The following LRP1B variants were observed in gnomAD, a reference collection of about 807,000 sequenced individuals.
LRP1B encodes low-density lipoprotein receptor-related protein 1B.
Under a neutral mutation model 556.6 loss-of-function variants are expected in LRP1B, and 217 were observed. The observed-to-expected ratio is 0.39, with a 90% CI of 0.35 to 0.44. The LOEUF (loss-of-function observed/expected upper bound fraction) is 0.44, where lower values mean the gene tolerates loss of function less well. Ranked by LOEUF, LRP1B falls within the 20% of genes least tolerant of loss-of-function variation. The probability of loss-of-function intolerance (pLI) is 1.00; values close to 1 mark genes in which losing one functional copy is unlikely to be tolerated. For synonymous variants in LRP1B, 2,047 were observed against 1,865.8 expected (o/e 1.10, Z -2.50); for missense variants, 5,053 against 5,620.8 (o/e 0.90, Z 3.23).
chr2:141,218,868 C>A (rs1160092186), intron 6 of LRP1B, among the ~76,000 whole-genome samples: 1 of 152,088 alleles, frequency 6.6e-6, no homozygotes, highest in Admixed American at 6.6e-5. Context: ...GTAAGTGAAT[C>A]CTGCTCTATC....
intron 20 of LRP1B, among the ~76,000 whole-genome samples, chr2:140,937,142 C>G (rs1013281215): frequency 1.1e-4 from 17 of 151,964 alleles, no homozygotes; most frequent in African/African-American, 3.6e-4. Context: ...AACATTTCAT[C>G]ACAAAATGCC....
At chr2:141,972,603 G>T (rs1239038873) in intron 1 of LRP1B, among the ~76,000 whole-genome samples, 6 of 148,530 alleles carry the variant, frequency 4.0e-5, no homozygotes, top group African/African-American at 1.5e-4. Context: ...AAAAAAAAGT[G>T]CCTACAATTA....
chr2:141,182,424 A>G (rs1409498493), intron 7 of LRP1B, among the ~76,000 whole-genome samples: 3 of 152,014 alleles, frequency 2.0e-5, no homozygotes, highest in African/African-American at 7.2e-5. Context: ...TTTCCATCCT[A>G]CAGGTGAATG....
chr2:140,399,178 C>CACACACACACACACACACACACACACA, intron 66 of LRP1B, among the ~76,000 whole-genome samples: 1 of 151,856 alleles, frequency 6.6e-6, no homozygotes, highest in African/African-American at 2.4e-5. Context: ...CACACACACA[C>CACACACACACACACACACACACACACA]ACACACACAC....
In LRP1B at chr2:141,614,080, C is replaced by CAGAAAAAA. The variant is rs1553543025; in HGVS notation, c.206-133548_206-133547insTTTTTTCT. Among the ~76,000 whole-genome samples, 87 of 47,358 alleles carry CAGAAAAAA rather than the reference C, an allele frequency of 1.8e-3. 1 individual carries two copies. The highest frequency in any genetic ancestry group is 0.01 in the South Asian group (9 of 866). 31.1% of individuals were successfully genotyped at this position (47,358 alleles called of 152,430 possible). A position where few individuals can be genotyped will look rare whatever the true frequency, so the allele number is the denominator to read the frequency against. On this transcript the variant is annotated intron_variant, in intron 2 of 90. Coordinates refer to ENST00000389484, the MANE Select transcript of LRP1B (RefSeq NM_018557.3). ...GGGCGATAAGAGCAAAACTCAGCCT[C>CAGAAAAAA]AAAAAAAAAAAAAAAAAAAAAGAAA...
chr2:141,898,071 G>A (rs186452200), intron 1 of LRP1B, among the ~76,000 whole-genome samples: 285 of 152,224 alleles, frequency 1.9e-3, no homozygotes, highest in African/African-American at 6.2e-3. Context: ...GGCATTTGGG[G>A]TTAAGTTTTA....
At chr2:141,317,826 C>T (rs986129869) in intron 3 of LRP1B, among the ~76,000 whole-genome samples, 1 of 151,958 alleles carries the variant, frequency 6.6e-6, no homozygotes, top group Non-Finnish European at 1.5e-5. Context: ...AAAAATAACC[C>T]AGCACAGAGC....
intron 7 of LRP1B, among the ~76,000 whole-genome samples, chr2:141,184,643 C>G (rs966256001): frequency 2.7e-5 from 4 of 149,552 alleles, no homozygotes; most frequent in Non-Finnish European, 5.9e-5. Flanking sequence ...TTCAGATGTT[C>G]ATTTCTAATA....
At chr2:142,024,817 T>C (rs1703453165) in intron 1 of LRP1B, among the ~76,000 whole-genome samples, 3 of 152,090 alleles carry the variant, frequency 2.0e-5, no homozygotes, top group African/African-American at 7.2e-5. Flanking sequence ...TATCCCTCCA[T>C]AAATATATAT....
intron 3 of LRP1B, among the ~76,000 whole-genome samples, chr2:141,446,928 C>A (rs887314462): frequency 5.3e-5 from 8 of 151,976 alleles, no homozygotes; most frequent in African/African-American, 1.9e-4. Context: ...TTGTGGTGTT[C>A]TCTATATTTC....
chr2:141,347,809 T>C (rs921589002), intron 3 of LRP1B, among the ~76,000 whole-genome samples: 1 of 152,062 alleles, frequency 6.6e-6, no homozygotes, highest in Non-Finnish European at 1.5e-5. Flanking sequence ...TAGCAACATT[T>C]TTGTCATTAT....
chr2:141,381,805 A>G (rs945227419), intron 3 of LRP1B, among the ~76,000 whole-genome samples: 1 of 152,110 alleles, frequency 6.6e-6, no homozygotes, highest in African/African-American at 2.4e-5. Flanking sequence ...CTGTCCTTCA[A>G]AAGGAAAAGG....
intron 41 of LRP1B, among the ~76,000 whole-genome samples, chr2:140,697,325 C>T (rs1686465947): frequency 6.6e-6 from 1 of 152,092 alleles, no homozygotes; most frequent in Non-Finnish European, 1.5e-5. Flanking sequence ...ACGGCACTCA[C>T]AACCCTTACA....
chr2:140,586,759 T>C (rs576894691), intron 43 of LRP1B: 1 of 152,120 alleles, frequency 6.6e-6, no homozygotes, highest in East Asian at 1.9e-4. Context: ...GGAAAGACAG[T>C]TAAAAACAGA....
At chr2:141,568,566 C>T (rs940778784) in intron 2 of LRP1B, among the ~76,000 whole-genome samples, 3 of 151,056 alleles carry the variant, frequency 2.0e-5, no homozygotes, top group African/African-American at 4.8e-5. Flanking sequence ...ACATTGCTAA[C>T]AAAATAAGCT....
intron 2 of LRP1B, among the ~76,000 whole-genome samples, chr2:141,632,664 T>A (rs1407170657): frequency 1.3e-5 from 2 of 152,114 alleles, no homozygotes; most frequent in East Asian, 3.8e-4. Flanking sequence ...TTTTTTTGTT[T>A]TATAATTCAA....
chr2:141,703,501 C>T (rs1242660299), intron 2 of LRP1B, among the ~76,000 whole-genome samples: 1 of 151,936 alleles, frequency 6.6e-6, no homozygotes, highest in African/African-American at 2.4e-5. Flanking sequence ...TGATGATTTG[C>T]ATTACTTCCA....
intron 3 of LRP1B, among the ~76,000 whole-genome samples, chr2:141,439,608 A>G (rs1397308232): frequency 6.6e-6 from 1 of 152,174 alleles, no homozygotes; most frequent in Non-Finnish European, 1.5e-5. Context: ...CAATAGGTCA[A>G]TAGAAATGAT....
At chr2:142,106,220 A>C (rs1706742204) in intron 1 of LRP1B, among the ~76,000 whole-genome samples, 1 of 152,226 alleles carries the variant, frequency 6.6e-6, no homozygotes, top group African/African-American at 2.4e-5. Context: ...GAAGCAAGTT[A>C]AGGAAACAAG....
Sources: allele counts gnomAD v4.1 joint callset (sites outside exome capture counted in the v4.1 genomes callset), GRCh38; gene constraint gnomAD v4.1.1; transcripts MANE v1.5; gene names NCBI Gene and HGNC (gene_info 2026-07-23, HGNC 2026-07-21).